OLA1: variants seen among roughly 807,000 people sequenced by gnomAD.
The protein encoded by OLA1 is obg-like ATPase 1.
Under a neutral mutation model 48.4 loss-of-function variants are expected in OLA1, and 14 were observed. That is an observed-to-expected ratio of 0.29 (90% CI 0.19 to 0.45). The LOEUF is 0.45. Ranked by LOEUF, OLA1 falls within the 20% of genes least tolerant of loss-of-function variation. The pLI is 1.00. For missense variants in OLA1, 325 were observed against 467.1 expected, an observed-to-expected ratio of 0.70 and a Z score of 2.80; for synonymous variants, 127 against 150.4, an observed-to-expected ratio of 0.84 and a Z score of 1.14.
At chr2:174,096,954 G>C (rs182289442) in intron 7 of OLA1, among the ~76,000 whole-genome samples, 31 of 152,220 alleles carry the variant, frequency 2.0e-4, no homozygotes, top group Admixed American at 3.9e-4. Context: ...TCAGGAGTTC[G>C]AGACCAGCCT....
chr2:174,199,444 T>C (rs552518695), intron 4 of OLA1, among the ~76,000 whole-genome samples: 34 of 152,254 alleles, frequency 2.2e-4, no homozygotes, highest in Admixed American at 4.6e-4. Context: ...CCTGGCAAGA[T>C]AGTGGGGGGT....
At chr2:174,206,737 A>G (rs10930655) in intron 4 of OLA1, among the ~76,000 whole-genome samples, 80,613 of 151,982 alleles carry the variant, frequency 0.53, 21,949 homozygotes, top group East Asian at 0.94. Flanking sequence ...ATTTTCCACA[A>G]TAAACAGAAG....
At chr2:174,078,923 T>A in intron 10 of OLA1, 45 bp downstream of exon 10, 1 of 1,561,970 alleles carries the variant, frequency 6.4e-7, no homozygotes, top group Non-Finnish European at 8.7e-7. Context: ...TAACTTCGCA[T>A]CAGTGGAAAC....
chr2:174,224,660 G>C (rs1688577487), intron 3 of OLA1, among the ~76,000 whole-genome samples: 1 of 152,078 alleles, frequency 6.6e-6, no homozygotes, highest in African/African-American at 2.4e-5. Flanking sequence ...TACTGGAGGG[G>C]GTGTAGGAGG....
intron 3 of OLA1, 74 bp from the exon 4 acceptor site, chr2:174,223,234 C>T: frequency 7.3e-7 from 1 of 1,373,252 alleles, no homozygotes; most frequent in Non-Finnish European, 1.0e-6. Context: ...ATTCTCCAAA[C>T]ATTTCACATA....
chr2:174,183,186 G>A (rs1230221369), intron 4 of OLA1, among the ~76,000 whole-genome samples: 2 of 152,080 alleles, frequency 1.3e-5, no homozygotes, highest in African/African-American at 4.8e-5. Context: ...AACACAACAA[G>A]TGCAGTTCTG....
At chr2:174,140,526 C>A (rs925649965) in intron 5 of OLA1, among the ~76,000 whole-genome samples, 1 of 151,992 alleles carries the variant, frequency 6.6e-6, no homozygotes, top group Non-Finnish European at 1.5e-5. Flanking sequence ...CACCACCACG[C>A]CTGGCTAATT....
chr2:174,123,639 G>C lies in OLA1; in HGVS notation c.586C>G (p.Gln196Glu). 2 of 1,597,350 alleles carry C rather than the reference G, an allele frequency of 1.3e-6. No individual in the cohort carries two copies. Among genetic ancestry groups the C allele is most frequent in the Non-Finnish European group, 1.7e-6 (2 of 1,173,228 alleles). ...TGATAGAAGCGAACAGGTTTCTTTT[G>C]ATCTATAACCCAGGATTTTACTTTG... ...MCKVKSWVID[Q>E]KKPVRFYHDW... Residue 196 changes from glutamine (Q) to glutamate (E), a missense_variant, in exon 6 of 11, where the codon CAA becomes GAA. Coordinates refer to ENST00000284719, the MANE Select transcript of OLA1 (RefSeq NM_013341.5).
At position 174,223,168 on chromosome 2, in the gene OLA1, A is replaced by G. The variant is rs1160272774; in HGVS notation, c.246-8T>C. The G allele has an allele frequency of 1.2e-6, 2 of 1,613,190 alleles. No homozygotes were observed. The highest frequency in any genetic ancestry group is 2.2e-5 in the South Asian group (2 of 90,998). On this transcript the variant is annotated splice_polypyrimidine_tract_variant and splice_region_variant and intron_variant, in intron 3 of 10. Coordinates refer to ENST00000284719, the MANE Select transcript of OLA1 (RefSeq NM_013341.5). The stretch of plus-strand genomic sequence containing the variant: ...AGAAAGGCAGGAATTTTGCTGAAAA[A>G]CAAAAGATGGCTTTATTATAAAACA...
At chr2:174,154,337 C>T (rs1346798532) in intron 4 of OLA1, among the ~76,000 whole-genome samples, 1 of 152,128 alleles carries the variant, frequency 6.6e-6, no homozygotes, top group African/African-American at 2.4e-5. Flanking sequence ...ACTGACCTTG[C>T]CCTCACCCTT....
chr2:174,221,485 C>G (rs556834079), intron 4 of OLA1, among the ~76,000 whole-genome samples: 4 of 152,148 alleles, frequency 2.6e-5, no homozygotes, highest in African/African-American at 9.6e-5. Context: ...GATCCATAAG[C>G]CTTCCATTTT....
intron 5 of OLA1, among the ~76,000 whole-genome samples, chr2:174,129,153 C>T (rs544118737): frequency 6.7e-6 from 1 of 149,872 alleles, no homozygotes; most frequent in African/African-American, 2.5e-5. Context: ...ACAGTAAATA[C>T]TCAATAAATA....
intron 2 of OLA1, among the ~76,000 whole-genome samples, chr2:174,237,228 A>G (rs908722383): frequency 1.3e-5 from 2 of 151,988 alleles, no homozygotes; most frequent in Admixed American, 6.6e-5. Context: ...ATAAACACAT[A>G]CATTAACCCA....
chr2:174,200,904 T>C (rs1207743939), intron 4 of OLA1, among the ~76,000 whole-genome samples: 5 of 152,220 alleles, frequency 3.3e-5, no homozygotes, highest in Non-Finnish European at 7.3e-5. Context: ...AAAATACTGA[T>C]TCATTGATAC....
At position 174,226,214 on chromosome 2, in the gene OLA1, A is replaced by G. The variant is rs200707321; in HGVS notation, c.246-3054T>C. ...ACTCCGTCTCAAAAAAAAAAAAAAAAAAAGAAAATGAGCTTCTCAATTCTG... is the reference window on the plus strand; with the variant it reads ...ACTCCGTCTCAAAAAAAAAAAAAAAGAAAGAAAATGAGCTTCTCAATTCTG... On this transcript the variant is annotated intron_variant, in intron 3 of 10. Transcript: ENST00000284719. Among the ~76,000 whole-genome samples the G allele has an allele frequency of 1.8e-4, 7 of 39,884 alleles. 3 individuals are homozygous for G. The highest frequency in any genetic ancestry group is 2.7e-4 in the Non-Finnish European group (5 of 18,860). The allele number at this position is 39,884 out of a possible 152,430, so 26.2% of individuals were successfully genotyped here. A position where few individuals can be genotyped will look rare whatever the true frequency, so the allele number is the denominator to read the frequency against.
intron 7 of OLA1, among the ~76,000 whole-genome samples, chr2:174,119,027 A>G (rs1232953916): frequency 6.6e-6 from 1 of 152,074 alleles, no homozygotes; most frequent in African/African-American, 2.4e-5. Context: ...ATGAAAACCA[A>G]ATAGGAATTC....
In OLA1 at chr2:174,095,801, A is replaced by T. The variant is rs146830110; in HGVS notation, c.729-13737T>A. Among the ~76,000 whole-genome samples, 641 of 152,324 alleles carry T rather than the reference A, an allele frequency of 4.2e-3. 5 individuals carry two copies. Among genetic ancestry groups the T allele is most frequent in the Non-Finnish European group, 7.6e-3 (515 of 68,018 alleles). ...CATATGACAGAGGTCCAGTATCCAG[A>T]ATATATAAAGAACTCTTATAACTCA... On this transcript the variant is annotated intron_variant, in intron 7 of 10. Transcript: ENST00000284719.
intron 1 of OLA1, chr2:174,247,665 C>G: frequency 6.4e-7 from 1 of 1,551,010 alleles, no homozygotes; most frequent in Non-Finnish European, 8.7e-7. Flanking sequence ...TAGATGAACA[C>G]CCACCAGGTA....
At chr2:174,166,692 G>A (rs571792582) in intron 4 of OLA1, among the ~76,000 whole-genome samples, 19 of 152,234 alleles carry the variant, frequency 1.2e-4, no homozygotes, top group African/African-American at 3.9e-4. Flanking sequence ...ATTCTGTTCT[G>A]TAATAACACA....
Sources: gnomAD v4.1 joint callset for allele counts (sites outside exome capture counted in the v4.1 genomes callset) on GRCh38, gnomAD v4.1.1 for gene constraint, MANE v1.5 for transcripts, NCBI Gene and HGNC (gene_info 2026-07-23, HGNC 2026-07-21) for gene names.